The following TTC13 variants were observed in gnomAD, a reference collection of about 807,000 sequenced individuals.
TTC13 encodes tetratricopeptide repeat protein 13.
A neutral mutation model predicts 120.0 loss-of-function variants in TTC13; 62 were observed. The ratio of observed to expected loss-of-function variants is 0.52; its 90% CI spans 0.42 to 0.64. The LOEUF is 0.64. Among genes scored for constraint, TTC13 ranks in the 30% least tolerant of loss-of-function variants. TTC13 has a pLI of 0.00. For missense variants in TTC13, 824 were observed against 1,050.2 expected, an observed-to-expected ratio of 0.78 and a Z score of 2.98; for synonymous variants, 384 against 393.5, an observed-to-expected ratio of 0.98 and a Z score of 0.28.
chr1:230,959,468 G>A (rs907014662), intron 2 of TTC13, among the ~76,000 whole-genome samples: 12 of 151,522 alleles, frequency 7.9e-5, no homozygotes, highest in Non-Finnish European at 1.2e-4. Context: ...CACAACCTCC[G>A]CCGCCTGGGT....
At chr1:230,920,206 C>T in intron 17 of TTC13, 1 of 209,910 alleles carries the variant, frequency 4.8e-6, no homozygotes, top group Admixed American at 6.0e-5. Flanking sequence ...AACTTTTGTC[C>T]AGTTTTATAA....
intron 17 of TTC13, 65 bp downstream of exon 17, chr1:230,920,445 A>T (rs779507015): frequency 1.1e-4 from 129 of 1,158,198 alleles, no homozygotes; most frequent in Non-Finnish European, 1.6e-4. Flanking sequence ...AGTTCTTTTT[A>T]AAAAAGTGCT....
intron 2 of TTC13, among the ~76,000 whole-genome samples, chr1:230,960,230 C>T (rs780069642): frequency 3.3e-5 from 5 of 152,232 alleles, no homozygotes; most frequent in African/African-American, 9.7e-5. Flanking sequence ...CCAAGACTAA[C>T]GAGCTTTCTC....
At chr1:230,919,181 T>TTTTG (rs935844780) in intron 17 of TTC13, among the ~76,000 whole-genome samples, 13 of 152,158 alleles carry the variant, frequency 8.5e-5, no homozygotes, top group South Asian at 2.1e-4. Flanking sequence ...GTATCTAGCT[T>TTTTG]TTTGTTTGTT....
chr1:230,962,135 G>A lies in TTC13; in HGVS notation c.272-832C>T, dbSNP rs948356923. On this transcript the variant is annotated intron_variant, in intron 1 of 22. Transcript: ENST00000366661. ...TGAGGCAGGAGAATCGCTTGAACCCGGGAGGCAGAGGTTGCCGTGAGCCGA... is the reference window on the plus strand; with the variant it reads ...TGAGGCAGGAGAATCGCTTGAACCCAGGAGGCAGAGGTTGCCGTGAGCCGA... Among the ~76,000 whole-genome samples the A allele has an allele frequency of 9.2e-5, 14 of 152,016 alleles. 1 individual carries two copies. The East Asian group carries it at 1.7e-3, about 19-fold the overall frequency.
intron 12 of TTC13, among the ~76,000 whole-genome samples, chr1:230,926,792 CG>C (rs1673092862): frequency 6.6e-6 from 1 of 152,150 alleles, no homozygotes; most frequent in South Asian, 2.1e-4. Context: ...ATAGAAAACA[CG>C]AAGTCAAATT....
rs765683527 is a variant in TTC13 at position 230,908,734 on chromosome 1, T to C, written c.2446A>G (p.Lys816Glu). 50 of 1,613,580 alleles carry C rather than the reference T, an allele frequency of 3.1e-5. No homozygotes were observed. The highest frequency in any genetic ancestry group is 4.1e-5 in the Non-Finnish European group (48 of 1,179,586). The change falls in exon 22 of 23, where the codon AAA becomes GAA. Residue 816 changes from lysine to glutamate, a missense_variant. Physicochemically the swap from Lys to Glu is moderately conservative, Grantham distance 56. Transcript: ENST00000366661. ...TACCTTTTCAAGTTCATCCAGCTTT[T>C]GGCGACTTTGCTAAAGGCCTCTGAA... ...PGSEAFSKVA[K>E]SWMNLKSISP...
At chr1:230,910,468 C>G (rs1189713013) in intron 20 of TTC13, among the ~76,000 whole-genome samples, 1 of 152,198 alleles carries the variant, frequency 6.6e-6, no homozygotes, top group Non-Finnish European at 1.5e-5. Flanking sequence ...AGGAGCAAAG[C>G]TAGCTGTGGC....
At chr1:230,960,487 G>A (rs527921045) in intron 2 of TTC13, among the ~76,000 whole-genome samples, 48 of 151,766 alleles carry the variant, frequency 3.2e-4, no homozygotes, top group African/African-American at 1.0e-3. Context: ...ACTATGCAGC[G>A]AGTTAGGTAA....
intron 11 of TTC13, among the ~76,000 whole-genome samples, chr1:230,929,588 A>G (rs1456735698): frequency 6.6e-6 from 1 of 152,188 alleles, no homozygotes; most frequent in Non-Finnish European, 1.5e-5. Flanking sequence ...TGCTGGGATT[A>G]CAGGCATGAG....
In TTC13 at chr1:230,962,503, G is replaced by C. The variant is rs559881292; in HGVS notation, c.272-1200C>G. On this transcript the variant is annotated intron_variant, in intron 1 of 22. Transcript: ENST00000366661. Reference sequence around the variant, plus strand: ...TTGGAACCCTTGTGCATTGCTGGTGGGAGTGTAAAATGGTACACCAGTTAT... The same window carrying C: ...TTGGAACCCTTGTGCATTGCTGGTGCGAGTGTAAAATGGTACACCAGTTAT... Among the ~76,000 whole-genome samples the C allele has an allele frequency of 5.9e-5, 9 of 152,250 alleles. No individual in the cohort carries two copies. The South Asian group carries it at 1.9e-3, about 32-fold the overall frequency.
intron 2 of TTC13, among the ~76,000 whole-genome samples, chr1:230,959,314 A>G (rs1277447756): frequency 6.6e-6 from 1 of 152,230 alleles, no homozygotes; most frequent in East Asian, 1.9e-4. Context: ...ACTGAAGAAT[A>G]TATCTGATTT....
At chr1:230,952,930 T>G (rs1188517340) in intron 4 of TTC13, among the ~76,000 whole-genome samples, 3 of 152,206 alleles carry the variant, frequency 2.0e-5, no homozygotes, top group African/African-American at 7.2e-5. Context: ...ACAATGGTAA[T>G]AACATTTTCA....
intron 3 of TTC13, 58 bp downstream of exon 3, chr1:230,958,166 C>T (rs1676279069): frequency 6.4e-7 from 1 of 1,568,948 alleles, no homozygotes; most frequent in South Asian, 1.1e-5. Context: ...TCCTGCTATG[C>T]ATCTAACCAA....
intron 2 of TTC13, among the ~76,000 whole-genome samples, chr1:230,960,688 C>T (rs1053905935): frequency 2.6e-5 from 4 of 151,798 alleles, no homozygotes; most frequent in Admixed American, 6.6e-5. Flanking sequence ...AACTTGGACA[C>T]GGAAAGAACA....
chr1:230,958,398 CATTTG>C (rs1676308037), intron 2 of TTC13, 99 bp from the exon 3 acceptor site: 2 of 1,371,482 alleles, frequency 1.5e-6, no homozygotes, highest in Non-Finnish European at 1.9e-6. Context: ...ATTAAGGCTA[CATTTG>C]ATTTAAGTGG....
In TTC13 at chr1:230,916,236, C is replaced by T; in HGVS notation, c.2050G>A (p.Gly684Arg). 6.2e-7 allele frequency: 1 copy of T among 1,614,168 alleles called. No individual in the cohort carries two copies. Among genetic ancestry groups the T allele is most frequent in the Non-Finnish European group, 8.5e-7 (1 of 1,180,008 alleles). The change falls in exon 18 of 23, where the codon GGG becomes AGG. Residue 684 changes from glycine (G) to arginine (R), a missense_variant. By Grantham distance (125) the Gly-to-Arg change is moderately radical (BLOSUM62 -2). Coordinates refer to ENST00000366661, the MANE Select transcript of TTC13 (RefSeq NM_024525.5). ...NTKVPSLKDQ[G>R]KEYDGFTITI... ...ATTGTGAATCCATCATATTCCTTCC[C>T]TTGGTCTTTAAGGCTGGGAACTTTT... is the stretch of plus-strand genomic sequence containing the variant.
rs202107641 is a variant in TTC13, at chr1:230,917,186, C to CA, written c.1984-885dup. Among the ~76,000 whole-genome samples the CA allele has an allele frequency of 3.6e-3, 536 of 150,638 alleles. 1 individual carries two copies. The highest frequency in any genetic ancestry group is 0.011 in the African/African-American group (463 of 41,154). ...CTGAGCAGGCAAGCATCTTTCACGC[C>CA]AAAAAAAACGACTTTCAGGAGAAGA... On this transcript the variant is annotated intron_variant, in intron 17 of 22. Coordinates refer to ENST00000366661, the MANE Select transcript of TTC13 (RefSeq NM_024525.5).
At chr1:230,938,281 G>C (rs538760716) in intron 8 of TTC13, among the ~76,000 whole-genome samples, 33 of 152,282 alleles carry the variant, frequency 2.2e-4, no homozygotes, top group Admixed American at 2.0e-3. Flanking sequence ...TCTTCCATCA[G>C]GTAGCTTGGA....
Sources: allele counts gnomAD v4.1 joint callset (sites outside exome capture counted in the v4.1 genomes callset), GRCh38; gene constraint gnomAD v4.1.1; transcripts MANE v1.5; gene names NCBI Gene and HGNC (gene_info 2026-07-23, HGNC 2026-07-21).